XKR4: variants seen among roughly 807,000 people sequenced by gnomAD.
XKR4 encodes the protein XK-related protein 4.
Under a neutral mutation model 53.9 loss-of-function variants are expected in XKR4, and 12 were observed. The observed-to-expected ratio is 0.22, with a 90% CI of 0.14 to 0.36. The LOEUF is 0.36. XKR4 is among the 10% of genes least tolerant of loss of function. The pLI is 1.00. For synonymous variants in XKR4, 354 were observed against 362.4 expected (o/e 0.98, Z 0.26); for missense variants, 799 against 859.5 (o/e 0.93, Z 0.88).
At chr8:55,367,831 C>T (rs779494082) in intron 2 of XKR4, among the ~76,000 whole-genome samples, 61 of 152,186 alleles carry the variant, frequency 4.0e-4, no homozygotes, top group African/African-American at 8.0e-4. Context: ...TTGCTGCCTC[C>T]GCTGATAACA....
intron 1 of XKR4, among the ~76,000 whole-genome samples, chr8:55,179,404 C>G (rs1333744115): frequency 6.6e-6 from 1 of 152,104 alleles, no homozygotes; most frequent in Non-Finnish European, 1.5e-5. Context: ...CAGGTTTTAG[C>G]AAGAGGGGTA....
At chr8:55,455,077 C>G in intron 2 of XKR4, 1 of 696,942 alleles carries the variant, frequency 1.4e-6, no homozygotes, top group African/African-American at 1.7e-5. Flanking sequence ...CCTGGCCTTT[C>G]CCACTCCCGC....
At chr8:55,286,102 G>C (rs1249972411) in intron 1 of XKR4, among the ~76,000 whole-genome samples, 1 of 152,200 alleles carries the variant, frequency 6.6e-6, no homozygotes, top group African/African-American at 2.4e-5. Flanking sequence ...CCAAGTAAAA[G>C]AAAGAATTCT....
chr8:55,479,165 G>A (rs958117502), intron 2 of XKR4, among the ~76,000 whole-genome samples: 4 of 152,140 alleles, frequency 2.6e-5, no homozygotes, highest in Admixed American at 1.3e-4. Context: ...GCACTCCTCA[G>A]CAAATATAAA....
intron 2 of XKR4, among the ~76,000 whole-genome samples, chr8:55,388,636 G>A (rs543220224): frequency 6.6e-6 from 1 of 152,266 alleles, no homozygotes; most frequent in East Asian, 1.9e-4. Context: ...TCATTTATGA[G>A]GGCGTTACCT....
Position 55,527,145 on chromosome 8 carries a change from CACAGATA to C in XKR4, c.*2924_*2930del, listed in dbSNP as rs1412461473. The C allele has an allele frequency of 6.6e-6, 1 of 152,166 alleles. No individual in the cohort carries two copies. Among genetic ancestry groups the C allele is most frequent in the Non-Finnish European group, 1.5e-5 (1 of 68,024 alleles). 9.4% of individuals were successfully genotyped at this position (152,166 alleles called of 1,614,324 possible). On this transcript the variant is annotated 3_prime_UTR_variant, in exon 3 of 3. Transcript: ENST00000327381. The stretch of plus-strand genomic sequence containing the variant: ...ACAACTTTTACTTGTTTTCTAGATG[CACAGATA>C]ACAGAGAGTTTAAAGTATTCAGATT...
At chr8:55,140,269 A>T in intron 1 of XKR4, 2 of 290,068 alleles carry the variant, frequency 6.9e-6, no homozygotes, top group Non-Finnish European at 1.4e-5. Context: ...ACTCTTAGGA[A>T]GGGAAGTGTG....
chr8:55,135,297 C>G (rs967484116), intron 1 of XKR4: 3 of 181,508 alleles, frequency 1.7e-5, no homozygotes, highest in African/African-American at 6.9e-5. Context: ...TTATACAAAT[C>G]AATTGTGATG....
chr8:55,364,359 C>T (rs1304132036), intron 2 of XKR4, among the ~76,000 whole-genome samples: 2 of 152,228 alleles, frequency 1.3e-5, no homozygotes, highest in East Asian at 1.9e-4. Flanking sequence ...TGGAAGGATG[C>T]TCATCATCGC....
At chr8:55,447,357 C>T (rs1269356376) in intron 2 of XKR4, among the ~76,000 whole-genome samples, 3 of 152,132 alleles carry the variant, frequency 2.0e-5, no homozygotes, top group Admixed American at 6.5e-5. Context: ...AAGGTAGATG[C>T]ACCCTAGGGC....
At chr8:55,343,880 A>G (rs1803594775) in intron 1 of XKR4, among the ~76,000 whole-genome samples, 2 of 152,238 alleles carry the variant, frequency 1.3e-5, no homozygotes, top group African/African-American at 4.8e-5. Flanking sequence ...TGAGACAATA[A>G]TGTGCACAAT....
chr8:55,396,027 C>A (rs573643771), intron 2 of XKR4, among the ~76,000 whole-genome samples: 61 of 152,340 alleles, frequency 4.0e-4, no homozygotes, highest in Middle Eastern at 3.4e-3. Context: ...CCTCCTGTCT[C>A]TTTTTATAAG....
chr8:55,506,180 G>A (rs1185412691), intron 2 of XKR4, among the ~76,000 whole-genome samples: 2 of 152,216 alleles, frequency 1.3e-5, no homozygotes, highest in Admixed American at 1.3e-4. Context: ...TGCATGAAAT[G>A]CAAATTAAAC....
chr8:55,346,727 TTAGAAA>T (rs1803650772), intron 1 of XKR4, among the ~76,000 whole-genome samples: 1 of 51,058 alleles, frequency 2.0e-5, no homozygotes, highest in African/African-American at 9.0e-5. Flanking sequence ...GTGTGTGTGT[TTAGAAA>T]GCTTTGTAGC....
intron 1 of XKR4, among the ~76,000 whole-genome samples, chr8:55,163,799 C>T (rs1366244473): frequency 5.3e-5 from 8 of 152,074 alleles, no homozygotes; most frequent in South Asian, 2.1e-4. Flanking sequence ...GAGCTGCGAT[C>T]GTGCCACTGC....
At position 55,523,669 on chromosome 8, in the gene XKR4, T is replaced by C; in HGVS notation, c.1395T>C (p.Leu465=). ...CRLFIYYFVI[L]LENTALSALW... The stretch of plus-strand genomic sequence containing the variant: ...TATTCATTTACTATTTTGTGATCCT[T>C]TTGGAAAATACAGCCTTGAGTGCCC... Residue 465 remains leucine (L), a synonymous_variant, in exon 3 of 3, where the codon CTT becomes CTC. Transcript: ENST00000327381. The C allele has an allele frequency of 6.2e-7, 1 of 1,614,178 alleles. No individual in the cohort carries two copies. Among genetic ancestry groups the C allele is most frequent in the Non-Finnish European group, 8.5e-7 (1 of 1,180,022 alleles).
At chr8:55,378,310 A>T (rs780699402) in intron 2 of XKR4, among the ~76,000 whole-genome samples, 11 of 152,236 alleles carry the variant, frequency 7.2e-5, no homozygotes, top group Non-Finnish European at 1.5e-4. Context: ...CTCAGAGCCA[A>T]AGAGAGCTGT....
intron 1 of XKR4, among the ~76,000 whole-genome samples, chr8:55,246,050 C>G (rs1166689946): frequency 6.6e-6 from 1 of 152,190 alleles, no homozygotes; most frequent in African/African-American, 2.4e-5. Flanking sequence ...TGCAGTGAGC[C>G]AAGATTGTGT....
At chr8:55,310,118 C>A (rs1038480340) in intron 1 of XKR4, among the ~76,000 whole-genome samples, 2 of 151,924 alleles carry the variant, frequency 1.3e-5, no homozygotes, top group African/African-American at 4.8e-5. Context: ...ATTACCCCCT[C>A]TAAAAAAAGA....
Sources: allele counts gnomAD v4.1 joint callset (sites outside exome capture counted in the v4.1 genomes callset), GRCh38; gene constraint gnomAD v4.1.1; transcripts MANE v1.5; gene names NCBI Gene and HGNC (gene_info 2026-07-23, HGNC 2026-07-21).